Variants in TXNDC5 observed in about 807,000 individuals in gnomAD.
TXNDC5 encodes the protein thioredoxin domain containing 5.
Under a neutral mutation model 52.6 loss-of-function variants are expected in TXNDC5, and 44 were observed. The observed-to-expected ratio is 0.84, with a 90% CI of 0.66 to 1.08. The LOEUF (loss-of-function observed/expected upper bound fraction) is 1.08, where lower values mean the gene tolerates loss of function less well. Ranked by LOEUF, TXNDC5 falls within the 50% of genes least tolerant of loss-of-function variation. The pLI is 0.00. For synonymous variants in TXNDC5, 241 were observed against 234.4 expected (o/e 1.03, Z -0.26); for missense variants, 600 against 565.5 (o/e 1.06, Z -0.62).
chr6:7,904,708 C>T lies in TXNDC5; in HGVS notation c.279G>A (p.Gln93=). The T allele has an allele frequency of 6.2e-7, 1 of 1,614,216 alleles. No homozygotes were observed. The highest frequency in any genetic ancestry group is 1.1e-5 in the South Asian group (1 of 91,086). Residue 93 remains glutamine, a synonymous_variant, in exon 2 of 10, where the codon CAG becomes CAA. Transcript: ENST00000379757. ...MFFAPWCGHC[Q]RLQPTWNDLG... ...GGTCATTCCAAGTCGGCTGCAGCCG[C>T]TGGCAGTGTCCACACCTGGAACAAG...
At chr6:7,887,776 A>G (rs1760046706) in intron 7 of TXNDC5, among the ~76,000 whole-genome samples, 1 of 151,754 alleles carries the variant, frequency 6.6e-6, no homozygotes, top group Admixed American at 6.6e-5. Flanking sequence ...CAGGGATCCT[A>G]CACCACACCC....
intron 2 of TXNDC5, among the ~76,000 whole-genome samples, chr6:7,903,928 T>A (rs1476081689): frequency 1.3e-5 from 2 of 152,138 alleles, no homozygotes; most frequent in Non-Finnish European, 1.5e-5. Context: ...GGTGGGCCCT[T>A]CTGTGCAAAC....
chr6:7,889,436 G>C (rs1017190599), intron 6 of TXNDC5, 59 bp downstream of exon 6: 3 of 1,504,938 alleles, frequency 2.0e-6, no homozygotes, highest in Non-Finnish European at 2.8e-6. Flanking sequence ...CCACTCAGTA[G>C]CTCAGCCTGA....
At chr6:7,886,464 T>A (rs538629194) in intron 7 of TXNDC5, among the ~76,000 whole-genome samples, 1 of 152,350 alleles carries the variant, frequency 6.6e-6, no homozygotes, top group African/African-American at 2.4e-5. Context: ...TGAAGTCTCA[T>A]CCTCAGCCGC....
chr6:7,898,050 T>C (rs953310624), intron 3 of TXNDC5, among the ~76,000 whole-genome samples: 5 of 151,974 alleles, frequency 3.3e-5, no homozygotes, highest in African/African-American at 1.2e-4. Flanking sequence ...GTCTCCACCA[T>C]ACAGTTCAGA....
chr6:7,906,381 C>G (rs548191616), intron 1 of TXNDC5, among the ~76,000 whole-genome samples: 1 of 151,626 alleles, frequency 6.6e-6, no homozygotes, highest in African/African-American at 2.4e-5. Flanking sequence ...ACTAAAAATA[C>G]AAAAATTAGC....
intron 6 of TXNDC5, chr6:7,889,286 C>G: frequency 1.9e-6 from 1 of 540,312 alleles, no homozygotes; most frequent in South Asian, 2.6e-5. Context: ...TAGTGATAAC[C>G]TGGGCCACTG....
intron 7 of TXNDC5, among the ~76,000 whole-genome samples, chr6:7,887,001 C>T (rs1760005527): frequency 6.6e-6 from 1 of 152,196 alleles, no homozygotes; most frequent in Admixed American, 6.5e-5. Context: ...TATAATTATA[C>T]TCAATTTGGG....
At chr6:7,899,435 C>CA (rs1221878502) in intron 3 of TXNDC5, 141 bp downstream of exon 3, 6 of 530,782 alleles carry the variant, frequency 1.1e-5, no homozygotes, top group East Asian at 6.4e-5. Flanking sequence ...CAATAAGCTC[C>CA]AAAAAAAGTA....
chr6:7,884,030 C>T (rs540892666), intron 9 of TXNDC5, among the ~76,000 whole-genome samples: 1 of 152,212 alleles, frequency 6.6e-6, no homozygotes, highest in Non-Finnish European at 1.5e-5. Context: ...GCAAAGGCTA[C>T]AGACCACTGG....
intron 1 of TXNDC5, among the ~76,000 whole-genome samples, chr6:7,908,978 G>A (rs971797602): frequency 6.6e-6 from 1 of 152,202 alleles, no homozygotes; most frequent in Non-Finnish European, 1.5e-5. Flanking sequence ...TGTTAATACT[G>A]CCTGATTGTT....
At chr6:7,910,447 C>T in intron 1 of TXNDC5, 67 bp downstream of exon 1, 1 of 1,279,792 alleles carries the variant, frequency 7.8e-7, no homozygotes, top group Non-Finnish European at 9.9e-7. Context: ...CCGCCCGCGG[C>T]GCCCAAGCGC....
intron 1 of TXNDC5, among the ~76,000 whole-genome samples, chr6:7,906,312 C>T (rs577455164): frequency 3.3e-5 from 5 of 151,928 alleles, no homozygotes; most frequent in Admixed American, 6.6e-5. Flanking sequence ...CCGAAGCAAG[C>T]GGATCACAAG....
chr6:7,881,842 C>A lies in TXNDC5; in HGVS notation c.*1302G>T, dbSNP rs1022133212. ...TGGGCCAAGTATCCACATCCCCTTG[C>A]GTATGGGAGGTGGGTGAAGAGTGTT... On this transcript the variant is annotated 3_prime_UTR_variant, in exon 10 of 10. Transcript: ENST00000379757. 1 of 152,166 alleles carries A rather than the reference C, an allele frequency of 6.6e-6. No individual in the cohort carries two copies. The highest frequency in any genetic ancestry group is 1.5e-5 in the Non-Finnish European group (1 of 68,026). The allele number at this position is 152,166 out of a possible 1,614,324, so 9.4% of individuals were successfully genotyped here. A position where few individuals can be genotyped will look rare whatever the true frequency, so the allele number is the denominator to read the frequency against.
chr6:7,904,651 G>A lies in TXNDC5; in HGVS notation c.336C>T (p.Ala112=), dbSNP rs370405940. ...LGDKYNSMED[A]KVYVAKVDCT... is the part of the protein sequence containing the mutation. Reference sequence around the variant, plus strand: ...AGTCCACTTTAGCCACATAGACTTTGGCATCTTCCATGCTGTTGTATTTGT... The same window carrying A: ...AGTCCACTTTAGCCACATAGACTTTAGCATCTTCCATGCTGTTGTATTTGT... Residue 112 remains alanine, a synonymous_variant, in exon 2 of 10, where the codon GCC becomes GCT. Transcript: ENST00000379757. 5.0e-6 allele frequency: 8 copies of A among 1,614,176 alleles called. No individual in the cohort carries two copies. The highest frequency in any genetic ancestry group is 6.8e-6 in the Non-Finnish European group (8 of 1,180,030).
intron 4 of TXNDC5, 31 bp from the exon 5 acceptor site, chr6:7,891,767 G>T: frequency 6.6e-7 from 1 of 1,509,270 alleles, no homozygotes; most frequent in Non-Finnish European, 9.2e-7. Flanking sequence ...AGAGACGGGG[G>T]AAAGAGGAAC....
Position 7,882,690 on chromosome 6 carries a change from T to G in TXNDC5, c.*454A>C, listed in dbSNP as rs1759807300. 1 of 174,426 alleles carries G rather than the reference T, an allele frequency of 5.7e-6. No individual in the cohort carries two copies. The highest frequency in any genetic ancestry group is 5.5e-5 in the Admixed American group (1 of 18,116). 10.8% of individuals were successfully genotyped at this position (174,426 alleles called of 1,614,324 possible). On this transcript the variant is annotated 3_prime_UTR_variant, in exon 10 of 10. Coordinates refer to ENST00000379757, the MANE Select transcript of TXNDC5 (RefSeq NM_030810.5). ...GACCAACACAGTATTGAGTCAACTG[T>G]GACCTTAAGATCAGAGGAACGTCAA...
intron 3 of TXNDC5, 28 bp from the exon 4 acceptor site, chr6:7,895,230 G>GGTGT (rs1289411950): frequency 3.8e-6 from 6 of 1,592,798 alleles, no homozygotes; most frequent in Non-Finnish European, 5.1e-6. Flanking sequence ...AACAGTCATG[G>GGTGT]GTGTGTCAGT....
Position 7,882,904 on chromosome 6 carries a change from G to A in TXNDC5, c.*240C>T, listed in dbSNP as rs995744940. On this transcript the variant is annotated 3_prime_UTR_variant, in exon 10 of 10. Coordinates refer to ENST00000379757, the MANE Select transcript of TXNDC5 (RefSeq NM_030810.5). ...AAGAGAAGGTCAAAGGGGATATATCGCCACTGAAAATGTTTACACAGTGAC... is the reference window on the plus strand; with the variant it reads ...AAGAGAAGGTCAAAGGGGATATATCACCACTGAAAATGTTTACACAGTGAC... The A allele has an allele frequency of 2.3e-5, 10 of 441,190 alleles. No individual in the cohort carries two copies. Among genetic ancestry groups the A allele is most frequent in the African/African-American group, 9.8e-5 (5 of 50,924 alleles). The allele number at this position is 441,190 out of a possible 1,614,324, so 27.3% of individuals were successfully genotyped here. A position where few individuals can be genotyped will look rare whatever the true frequency, so the allele number is the denominator to read the frequency against.
Sources: gnomAD v4.1 joint callset for allele counts (sites outside exome capture counted in the v4.1 genomes callset) on GRCh38, gnomAD v4.1.1 for gene constraint, MANE v1.5 for transcripts, NCBI Gene and HGNC (gene_info 2026-07-23, HGNC 2026-07-21) for gene names.